TIAM2: variants seen among roughly 807,000 people sequenced by gnomAD.
The protein encoded by TIAM2 is rho guanine nucleotide exchange factor TIAM2.
Under a neutral mutation model 152.9 loss-of-function variants are expected in TIAM2, and 80 were observed. The ratio of observed to expected loss-of-function variants is 0.52; its 90% CI spans 0.44 to 0.63. The LOEUF (loss-of-function observed/expected upper bound fraction) is 0.63, where lower values mean the gene tolerates loss of function less well. Ranked by LOEUF, TIAM2 falls within the 30% of genes least tolerant of loss-of-function variation. The pLI, the probability that TIAM2 is intolerant of heterozygous loss-of-function variation, is 0.00. For missense variants in TIAM2, 1,965 were observed against 2,120.1 expected, an observed-to-expected ratio of 0.93 and a Z score of 1.44; for synonymous variants, 804 against 838.0, an observed-to-expected ratio of 0.96 and a Z score of 0.70.
In TIAM2 at chr6:155,248,068, C is replaced by G. The variant is rs549122604; in HGVS notation, c.3721C>G (p.Leu1241Val). ...CCCCACCAAGCAGCATTCCTCCACG[C>G]TGGAGTCCTACCTCATCAAGCCGGT... is the stretch of plus-strand genomic sequence containing the variant. ...RNPTKQHSST[L>V]ESYLIKPVQR... Residue 1241 changes from leucine (L) to valine (V), a missense_variant, in exon 20 of 27, where the codon CTG becomes GTG. This residue lies in a region of TIAM2 where 935 missense variants were observed against 980.0 expected (regional missense o/e 0.95). Transcript: ENST00000682666. The G allele has an allele frequency of 1.2e-6, 2 of 1,614,238 alleles. No individual in the cohort carries two copies. Among genetic ancestry groups the G allele is most frequent in the African/African-American group, 1.3e-5 (1 of 75,064 alleles).
intron 6 of TIAM2, among the ~76,000 whole-genome samples, chr6:155,147,472 A>G (rs945425395): frequency 6.6e-6 from 1 of 151,244 alleles, no homozygotes; most frequent in African/African-American, 2.4e-5. Context: ...ACACCCGGCT[A>G]ATTTTTGTGT....
At chr6:155,195,406 A>G (rs1583242758) in intron 14 of TIAM2, among the ~76,000 whole-genome samples, 1 of 152,316 alleles carries the variant, frequency 6.6e-6, no homozygotes, top group East Asian at 1.9e-4. Context: ...GAAACCAGTG[A>G]TCTCTGGAGA....
At chr6:155,242,083 C>T (rs3922767) in intron 16 of TIAM2, among the ~76,000 whole-genome samples, 5,061 of 152,216 alleles carry the variant, frequency 0.033, 301 homozygotes, top group African/African-American at 0.11. Context: ...AGACAAGGAC[C>T]GACTCTCCCT....
At chr6:155,061,279 T>C (rs1777574479) in intron 1 of TIAM2, among the ~76,000 whole-genome samples, 1 of 147,384 alleles carries the variant, frequency 6.8e-6, no homozygotes, top group South Asian at 2.1e-4. Context: ...TGTATCTATC[T>C]GTACATATAT....
chr6:155,057,017 C>CTTTTTTTTTTTTTTTTTTTTT (rs71023612), intron 1 of TIAM2, among the ~76,000 whole-genome samples: 1 of 43,870 alleles, frequency 2.3e-5, no homozygotes, highest in Non-Finnish European at 4.3e-5. Context: ...AGTTTTCTTT[C>CTTTTTTTTTTTTTTTTTTTTT]TTTTTTTTTT....
At chr6:155,040,367 C>T (rs1196371146) in intron 1 of TIAM2, among the ~76,000 whole-genome samples, 1 of 152,102 alleles carries the variant, frequency 6.6e-6, no homozygotes, top group Non-Finnish European at 1.5e-5. Context: ...ACTTAGTGAC[C>T]AGATGGCCCC....
chr6:155,013,210 A>G (rs371466187), intron 1 of TIAM2, among the ~76,000 whole-genome samples: 49 of 147,814 alleles, frequency 3.3e-4, no homozygotes, highest in Middle Eastern at 3.5e-3. Flanking sequence ...TGGGGTCTAC[A>G]GCTGGCTTAG....
intron 1 of TIAM2, among the ~76,000 whole-genome samples, chr6:155,083,467 C>A (rs1778115465): frequency 1.3e-5 from 2 of 152,034 alleles, no homozygotes; most frequent in South Asian, 4.2e-4. Context: ...GGTTTCCTGG[C>A]CCCGTGCAGC....
At chr6:155,105,547 C>T (rs559470811) in intron 2 of TIAM2, among the ~76,000 whole-genome samples, 2 of 152,130 alleles carry the variant, frequency 1.3e-5, no homozygotes, top group African/African-American at 4.8e-5. Context: ...CTGCCCACAT[C>T]AGCCTCCCTT....
chr6:155,020,245 T>C (rs1336240968), intron 1 of TIAM2, among the ~76,000 whole-genome samples: 1 of 152,168 alleles, frequency 6.6e-6, no homozygotes, highest in Non-Finnish European at 1.5e-5. Flanking sequence ...TAAAGAAACC[T>C]GTGGAAATTA....
intron 16 of TIAM2, among the ~76,000 whole-genome samples, chr6:155,243,129 G>A (rs67613266): frequency 0.082 from 12,439 of 152,162 alleles, 593 homozygotes; most frequent in Non-Finnish European, 0.099. Flanking sequence ...CTGGAACCTC[G>A]TTTGCAAGAC....
At chr6:155,030,554 C>G (rs1776803801) in intron 1 of TIAM2, among the ~76,000 whole-genome samples, 1 of 152,154 alleles carries the variant, frequency 6.6e-6, no homozygotes, top group South Asian at 2.1e-4. Flanking sequence ...ATTGTTCACC[C>G]CACTGCTCAA....
intron 15 of TIAM2, among the ~76,000 whole-genome samples, chr6:155,238,408 A>T (rs1301514341): frequency 6.6e-6 from 1 of 152,172 alleles, no homozygotes; most frequent in African/African-American, 2.4e-5. Flanking sequence ...TCTGCCTGTT[A>T]CCCAGCTCTG....
intron 24 of TIAM2, chr6:155,253,377 T>A: frequency 3.5e-6 from 1 of 285,240 alleles, no homozygotes; most frequent in Non-Finnish European, 6.6e-6. Context: ...TTTTTACAAA[T>A]TTAGAATATA....
chr6:155,202,989 C>T (rs906802308), intron 14 of TIAM2, among the ~76,000 whole-genome samples: 2 of 138,722 alleles, frequency 1.4e-5, no homozygotes, highest in African/African-American at 5.6e-5. Context: ...GCGGAGGTCG[C>T]AGTGAGCTGA....
At chr6:155,199,627 C>T (rs930681223) in intron 14 of TIAM2, among the ~76,000 whole-genome samples, 6 of 152,088 alleles carry the variant, frequency 3.9e-5, no homozygotes, top group Non-Finnish European at 5.9e-5. Context: ...TTGTATTTAA[C>T]GTGATTGAAG....
At position 155,213,270 on chromosome 6, in the gene TIAM2, A is replaced by C. The variant is rs1781765534; in HGVS notation, c.3168+1963A>C. 6.6e-6 allele frequency among the ~76,000 whole-genome samples: 1 copy of C among 152,158 alleles called. No individual in the cohort carries two copies. Among genetic ancestry groups the C allele is most frequent in the Non-Finnish European group, 1.5e-5 (1 of 68,010 alleles). On this transcript the variant is annotated intron_variant, in intron 15 of 26. Transcript: ENST00000682666. This position sits in a 1 kb window ranked among gnomAD's most constrained non-coding sequence, Gnocchi z 4.2. ...GAAGAGGAGCTTTATTGAGCTGTAG[A>C]ACAGCTCAGAGGAAACCCACAGTGG...
Position 155,240,621 on chromosome 6 carries a change from C to G in TIAM2, c.3260C>G (p.Pro1087Arg). The change falls in exon 16 of 27, where the codon CCG (proline) becomes CGG (arginine). Residue 1087 changes from proline (P) to arginine (R), a missense_variant. Pro to Arg is a moderately radical substitution (Grantham distance 103). This residue lies in a region of TIAM2 where 935 missense variants were observed against 980.0 expected (regional missense o/e 0.95). Transcript: ENST00000682666. ...EGPRENQDPP[P>R]RSLARHLSDA... ...CCGCGGGAGAATCAGGATCCTCCTCCGAGGTCTCTGGCCCGCCACCTGTCT... is the reference window on the plus strand; with the variant it reads ...CCGCGGGAGAATCAGGATCCTCCTCGGAGGTCTCTGGCCCGCCACCTGTCT... 6.2e-7 allele frequency: 1 copy of G among 1,614,172 alleles called. No individual in the cohort carries two copies. The highest frequency in any genetic ancestry group is 8.5e-7 in the Non-Finnish European group (1 of 1,180,054).
intron 1 of TIAM2, among the ~76,000 whole-genome samples, chr6:154,999,522 T>A (rs1472911752): frequency 6.6e-6 from 1 of 151,926 alleles, no homozygotes; most frequent in Admixed American, 6.6e-5. Context: ...AAATAATTTT[T>A]ATTTCTTTAT....
Sources: gnomAD v4.1 joint callset for allele counts (sites outside exome capture counted in the v4.1 genomes callset) on GRCh38, gnomAD v4.1.1 for gene constraint, gnomAD v4.1.1 regional missense constraint, Gnocchi (gnomAD v3.1) non-coding constraint, MANE v1.5 for transcripts, NCBI Gene and HGNC (gene_info 2026-07-23, HGNC 2026-07-21) for gene names.